KANK1: variants seen among roughly 807,000 people sequenced by gnomAD.
KANK1 encodes the protein KN motif and ankyrin repeat domains 1.
Under a neutral mutation model 106.2 loss-of-function variants are expected in KANK1, and 109 were observed. The ratio of observed to expected loss-of-function variants is 1.03; its 90% CI spans 0.88 to 1.20. The LOEUF is 1.20. Among genes scored for constraint, KANK1 ranks in the 50% most tolerant of loss-of-function variants. The probability of loss-of-function intolerance (pLI) is 0.00; values close to 1 mark genes in which losing one functional copy is unlikely to be tolerated. For missense variants in KANK1, 2,399 were observed against 1,710.7 expected (o/e 1.40, Z -7.10); for synonymous variants, 873 against 652.2 (o/e 1.34, Z -5.16).
intron 1 of KANK1, 121 bp downstream of exon 1, chr9:504,875 T>TTGCGCGGCGGCCGTGGC (rs2058669427): frequency 7.1e-6 from 1 of 140,878 alleles, no homozygotes; most frequent in East Asian, 2.6e-4. Context: ...CGCGCCGGGG[T>TTGCGCGGCGGCCGTGGC]TGCGCGGCGG....
intron 1 of KANK1, among the ~76,000 whole-genome samples, chr9:630,502 G>C (rs1835429005): frequency 6.6e-6 from 1 of 152,010 alleles, no homozygotes; most frequent in South Asian, 2.1e-4. Flanking sequence ...AGTGAGCTGA[G>C]ATCCCGCCAC....
At chr9:496,919 A>C (rs10815100) in intron 3 of KANK1, among the ~76,000 whole-genome samples, 31,789 of 152,082 alleles carry the variant, frequency 0.21, 7,338 homozygotes, top group African/African-American at 0.58. Context: ...ATGCTCTATA[A>C]ATATTTTATA....
At chr9:744,935 TA>T (rs1328656981) in intron 11 of KANK1, 10 of 1,436,162 alleles carry the variant, frequency 7.0e-6, no homozygotes, top group Non-Finnish European at 9.1e-6. Context: ...AGGCAGCCTG[TA>T]GTCCACAGTT....
intron 1 of KANK1, among the ~76,000 whole-genome samples, chr9:592,244 G>T (rs1272545187): frequency 6.6e-6 from 1 of 151,856 alleles, no homozygotes; most frequent in Non-Finnish European, 1.5e-5. Context: ...GGATGTAAAG[G>T]AATTGATCTA....
chr9:599,741 A>G (rs774960344), intron 1 of KANK1, among the ~76,000 whole-genome samples: 39 of 151,928 alleles, frequency 2.6e-4, no homozygotes, highest in Non-Finnish European at 4.6e-4. Context: ...CAAAACTTGC[A>G]TAAAGAGAGA....
intron 4 of KANK1, chr9:730,856 G>T (rs774361742): frequency 9.0e-6 from 2 of 221,392 alleles, no homozygotes; most frequent in Non-Finnish European, 1.8e-5. Flanking sequence ...GGTCCTTGAG[G>T]CTCGTGAGAC....
intron 1 of KANK1, among the ~76,000 whole-genome samples, chr9:568,749 T>C (rs1412559557): frequency 6.6e-6 from 1 of 152,206 alleles, no homozygotes; most frequent in African/African-American, 2.4e-5. Context: ...CCCAAAGCAC[T>C]GGGATTACAG....
chr9:573,108 G>A (rs1819629692), intron 1 of KANK1, among the ~76,000 whole-genome samples: 1 of 152,158 alleles, frequency 6.6e-6, no homozygotes, highest in African/African-American at 2.4e-5. Context: ...CTGATATGCT[G>A]CTGCAGTCAG....
intron 2 of KANK1, among the ~76,000 whole-genome samples, chr9:686,334 G>A (rs1016167440): frequency 4.6e-5 from 7 of 152,196 alleles, no homozygotes; most frequent in Admixed American, 3.3e-4. Flanking sequence ...CGTTTGGCAT[G>A]TTCCCCCTCA....
intron 1 of KANK1, among the ~76,000 whole-genome samples, chr9:556,338 T>G (rs1252712535): frequency 6.6e-6 from 1 of 152,200 alleles, no homozygotes; most frequent in African/African-American, 2.4e-5. Flanking sequence ...AATGTGAGTT[T>G]AGTGATTCCC....
chr9:510,649 T>G (rs536800208), intron 1 of KANK1, among the ~76,000 whole-genome samples: 70 of 152,324 alleles, frequency 4.6e-4, no homozygotes, highest in African/African-American at 1.5e-3. Context: ...ACAGTGGGGT[T>G]GGTGATGCTG....
At chr9:596,124 C>G (rs1191467780) in intron 1 of KANK1, among the ~76,000 whole-genome samples, 1 of 151,878 alleles carries the variant, frequency 6.6e-6, no homozygotes, top group Non-Finnish European at 1.5e-5. Context: ...AAAGTTTTGA[C>G]CGCATTTTGG....
chr9:541,731 G>A (rs962895369), intron 1 of KANK1, among the ~76,000 whole-genome samples: 1 of 152,140 alleles, frequency 6.6e-6, no homozygotes, highest in Non-Finnish European at 1.5e-5. Context: ...CTGATAAGGG[G>A]TTAATATATA....
intron 1 of KANK1, among the ~76,000 whole-genome samples, chr9:669,553 C>G (rs920974217): frequency 2.6e-5 from 4 of 152,108 alleles, no homozygotes; most frequent in Non-Finnish European, 5.9e-5. Context: ...TATCATTCCA[C>G]TTCCTCCTGA....
intron 1 of KANK1, among the ~76,000 whole-genome samples, chr9:632,400 A>G (rs185434113): frequency 3.7e-4 from 56 of 152,334 alleles, no homozygotes; most frequent in African/African-American, 1.3e-3. Context: ...TGTTAATCTT[A>G]AAATGAAAGT....
chr9:730,044 C>T lies in KANK1; in HGVS notation c.2699-7C>T. 2.5e-6 allele frequency: 4 copies of T among 1,612,860 alleles called. No individual in the cohort carries two copies. In the South Asian group the frequency reaches 4.4e-5, roughly 18 times the overall value. On this transcript the variant is annotated splice_polypyrimidine_tract_variant and splice_region_variant and intron_variant, in intron 3 of 11. Transcript: ENST00000382297. Reference sequence around the variant, plus strand: ...CACACACTCTGTACCTTTCTTTTTCCTGATAGGCAATTATTTGGGATATAC... The same window carrying T: ...CACACACTCTGTACCTTTCTTTTTCTTGATAGGCAATTATTTGGGATATAC...
chr9:562,627 C>T (rs1019266056), intron 1 of KANK1, among the ~76,000 whole-genome samples: 5 of 152,138 alleles, frequency 3.3e-5, no homozygotes, highest in African/African-American at 9.7e-5. Context: ...GATGAATTAC[C>T]AATACAAGTC....
intron 1 of KANK1, among the ~76,000 whole-genome samples, chr9:589,731 G>C (rs889102038): frequency 6.6e-6 from 1 of 152,210 alleles, no homozygotes; most frequent in African/African-American, 2.4e-5. Context: ...ATTGTGGCCT[G>C]AATGAAGAAA....
At chr9:614,609 G>A (rs1439839108) in intron 1 of KANK1, among the ~76,000 whole-genome samples, 1 of 152,008 alleles carries the variant, frequency 6.6e-6, no homozygotes, top group African/African-American at 2.4e-5. Context: ...CTGCATTCCT[G>A]GCCCTTGCCC....
Sources: gnomAD v4.1 joint callset for allele counts (sites outside exome capture counted in the v4.1 genomes callset) on GRCh38, gnomAD v4.1.1 for gene constraint, MANE v1.5 for transcripts, NCBI Gene and HGNC (gene_info 2026-07-23, HGNC 2026-07-21) for gene names.